CDC5L: variants seen among roughly 807,000 people sequenced by gnomAD.
The protein encoded by CDC5L is cell division cycle 5 like.
A neutral mutation model predicts 104.1 loss-of-function variants in CDC5L; 18 were observed. The ratio of observed to expected loss-of-function variants is 0.17; its 90% CI spans 0.12 to 0.26. CDC5L has a LOEUF of 0.26. Among genes scored for constraint, CDC5L ranks in the 10% least tolerant of loss-of-function variants. The pLI, the probability that CDC5L is intolerant of heterozygous loss-of-function variation, is 1.00. For missense variants in CDC5L, 673 were observed against 956.9 expected, an observed-to-expected ratio of 0.70 and a Z score of 3.91; for synonymous variants, 331 against 322.7, an observed-to-expected ratio of 1.03 and a Z score of -0.28.
At chr6:44,443,651 G>A (rs1793314644) in intron 14 of CDC5L, among the ~76,000 whole-genome samples, 1 of 150,496 alleles carries the variant, frequency 6.6e-6, no homozygotes, top group African/African-American at 2.5e-5. Context: ...TTTCAGTTCA[G>A]TTTTGGTATT....
chr6:44,445,417 C>A (rs931182467), intron 14 of CDC5L, among the ~76,000 whole-genome samples: 1 of 152,128 alleles, frequency 6.6e-6, no homozygotes. Flanking sequence ...GAAGTTCAAT[C>A]GTGGGTCAAA....
intron 8 of CDC5L, among the ~76,000 whole-genome samples, chr6:44,411,631 A>AGTGTGTGTGTGTGTGTGT (rs756188413): frequency 8.7e-4 from 8 of 9,246 alleles, no homozygotes; most frequent in Admixed American, 4.6e-3. Context: ...AGAGAGAGAG[A>AGTGTGTGTGTGTGTGTGT]GAGAGAGTGT....
In CDC5L at chr6:44,393,580, G is replaced by T; in HGVS notation, c.439+7G>T. Reference sequence around the variant, plus strand: ...CCAATTGATATGGATGAGGGTAAGTGTATGCTTTGAGGAATTTATTTCTTT... The same window carrying T: ...CCAATTGATATGGATGAGGGTAAGTTTATGCTTTGAGGAATTTATTTCTTT... On this transcript the variant is annotated splice_region_variant and intron_variant, in intron 4 of 15. Coordinates refer to ENST00000371477, the MANE Select transcript of CDC5L (RefSeq NM_001253.4). The T allele has an allele frequency of 6.2e-7, 1 of 1,609,558 alleles. No homozygotes were observed. The highest frequency in any genetic ancestry group is 8.5e-7 in the Non-Finnish European group (1 of 1,178,150).
chr6:44,444,720 T>A (rs1793367048), intron 14 of CDC5L, among the ~76,000 whole-genome samples: 1 of 152,032 alleles, frequency 6.6e-6, no homozygotes, highest in African/African-American at 2.4e-5. Flanking sequence ...TAAAACCACC[T>A]CCTTGTTTTT....
chr6:44,431,402 G>A (rs577685325), intron 14 of CDC5L, among the ~76,000 whole-genome samples: 9 of 152,238 alleles, frequency 5.9e-5, no homozygotes, highest in South Asian at 4.2e-4. Flanking sequence ...TTTTTGTTGT[G>A]TAGGCTTCAT....
rs777605470 is a variant in CDC5L, at chr6:44,429,740, G to A, written c.1921G>A (p.Glu641Lys). 6.2e-7 allele frequency: 1 copy of A among 1,614,020 alleles called. No individual in the cohort carries two copies. The change falls in exon 14 of 16, where the codon GAA becomes AAA. Residue 641 changes from glutamate (E) to lysine (K), a missense_variant. This residue lies in a region of CDC5L where 578 missense variants were observed against 737.0 expected (regional missense o/e 0.78). Transcript: ENST00000371477. ...CCAGGATGTTTTGGTGCAGGAGATG[G>A]AAGTGGTTAAACAAGGAATGAGCCA... ...KAQDVLVQEM[E>K]VVKQGMSHGE...
intron 14 of CDC5L, among the ~76,000 whole-genome samples, chr6:44,440,934 C>G (rs1363601376): frequency 2.0e-5 from 3 of 152,108 alleles, no homozygotes; most frequent in Non-Finnish European, 4.4e-5. Flanking sequence ...TCGTGAACTC[C>G]TAACCTCAAG....
At chr6:44,397,868 T>C (rs1198689450) in intron 5 of CDC5L, among the ~76,000 whole-genome samples, 1 of 152,228 alleles carries the variant, frequency 6.6e-6, no homozygotes, top group Non-Finnish European at 1.5e-5. Context: ...AGTCCATGAT[T>C]GATATCAGTT....
chr6:44,393,836 T>A (rs1790732348), intron 4 of CDC5L, among the ~76,000 whole-genome samples: 1 of 152,134 alleles, frequency 6.6e-6, no homozygotes, highest in African/African-American at 2.4e-5. Context: ...GGCTAATTTT[T>A]AAATTTTTTT....
At chr6:44,400,787 G>A (rs1339610447) in intron 5 of CDC5L, among the ~76,000 whole-genome samples, 2 of 152,266 alleles carry the variant, frequency 1.3e-5, no homozygotes, top group Non-Finnish European at 1.5e-5. Context: ...AGCATGGTTT[G>A]GGCAGCGCTC....
At chr6:44,389,032 C>CT (rs1277325734) in intron 1 of CDC5L, among the ~76,000 whole-genome samples, 1 of 152,138 alleles carries the variant, frequency 6.6e-6, no homozygotes, top group Non-Finnish European at 1.5e-5. Flanking sequence ...GCTAGTTGCT[C>CT]TTTCACCTCA....
chr6:44,442,980 G>T (rs182960984), intron 14 of CDC5L, among the ~76,000 whole-genome samples: 2 of 148,140 alleles, frequency 1.4e-5, no homozygotes, highest in Admixed American at 1.4e-4. Flanking sequence ...GAAATACAGG[G>T]TTGCTGGGTA....
chr6:44,402,977 T>C (rs1791198745), intron 5 of CDC5L, among the ~76,000 whole-genome samples: 1 of 152,200 alleles, frequency 6.6e-6, no homozygotes, highest in South Asian at 2.1e-4. Context: ...TGTAATTAAG[T>C]CCTTGTTCAT....
chr6:44,429,510 T>G (rs1213741893), intron 13 of CDC5L, among the ~76,000 whole-genome samples: 2 of 152,174 alleles, frequency 1.3e-5, no homozygotes, highest in Middle Eastern at 3.2e-3. Context: ...CATGGATGCT[T>G]GATTTTTAAA....
intron 4 of CDC5L, among the ~76,000 whole-genome samples, chr6:44,394,725 C>T (rs1790772588): frequency 6.2e-5 from 1 of 16,232 alleles, no homozygotes; most frequent in South Asian, 9.6e-4. Context: ...GGTGTGGTGG[C>T]GCATGCCTGT....
chr6:44,445,697 A>G lies in CDC5L; in HGVS notation c.2134A>G (p.Lys712Glu), dbSNP rs1793420863. 6.2e-7 allele frequency: 1 copy of G among 1,613,984 alleles called. No homozygotes were observed. The highest frequency in any genetic ancestry group is 1.3e-5 in the African/African-American group (1 of 74,920). The part of the protein sequence containing the change: ...HMTTEAKRAA[K>E]MEKKMKILLG... ...GACGACAGAAGCCAAGAGGGCTGCA[A>G]AGATGGAAAAGAAGATGAAAATTTT... Residue 712 changes from lysine (K) to glutamate (E), a missense_variant, in exon 15 of 16, where the codon AAG becomes GAG. Lys to Glu is a moderately conservative substitution (Grantham distance 56). Around this residue, in one of 4 missense-constraint regions of CDC5L, gnomAD observed 578 missense variants for 737.0 expected, o/e 0.78. Transcript: ENST00000371477.
At chr6:44,397,991 C>T (rs886533818) in intron 5 of CDC5L, among the ~76,000 whole-genome samples, 2 of 152,146 alleles carry the variant, frequency 1.3e-5, no homozygotes, top group African/African-American at 4.8e-5. Context: ...CTGTACAGTG[C>T]CCCTTGTGGC....
intron 2 of CDC5L, 71 bp downstream of exon 2, chr6:44,390,442 T>C (rs1250521251): frequency 4.2e-6 from 4 of 955,156 alleles, no homozygotes; most frequent in Middle Eastern, 2.1e-4. Context: ...GTCAACTCTG[T>C]GAACCTTATC....
rs1791248628 is a variant in CDC5L at position 44,403,960 on chromosome 6, A to G, written c.691A>G (p.Asn231Asp). 1 of 1,613,908 alleles carries G rather than the reference A, an allele frequency of 6.2e-7. No individual in the cohort carries two copies. ...ALGFYDTSEE[N>D]YQALDADFRK... is the part of the protein sequence containing the mutation. Reference sequence around the variant, plus strand: ...TGGTTTTTATGATACTTCTGAGGAAAACTACCAAGCTCTTGACGCAGATTT... The same window carrying G: ...TGGTTTTTATGATACTTCTGAGGAAGACTACCAAGCTCTTGACGCAGATTT... Residue 231 changes from asparagine (N) to aspartate (D), a missense_variant, in exon 6 of 16, where the codon AAC becomes GAC. This residue lies in a region of CDC5L where 578 missense variants were observed against 737.0 expected (regional missense o/e 0.78). Transcript: ENST00000371477.
Sources: gnomAD v4.1 joint callset for allele counts (sites outside exome capture counted in the v4.1 genomes callset) on GRCh38, gnomAD v4.1.1 for gene constraint, gnomAD v4.1.1 regional missense constraint, MANE v1.5 for transcripts, NCBI Gene and HGNC (gene_info 2026-07-23, HGNC 2026-07-21) for gene names.